YWHAQ: variants seen among roughly 807,000 people sequenced by gnomAD.
YWHAQ encodes the protein tyrosine 3-monooxygenase/tryptophan 5-monooxygenase activation protein theta.
Under a neutral mutation model 28.3 loss-of-function variants are expected in YWHAQ, and 6 were observed. That is an observed-to-expected ratio of 0.21 (90% CI 0.12 to 0.42). The LOEUF is 0.42. Among genes scored for constraint, YWHAQ ranks in the 10% least tolerant of loss-of-function variants. The probability of loss-of-function intolerance (pLI) is 1.00; values close to 1 mark genes in which losing one functional copy is unlikely to be tolerated. For synonymous variants in YWHAQ, 143 were observed against 119.1 expected (o/e 1.20, Z -1.31); for missense variants, 201 against 305.6 (o/e 0.66, Z 2.55).
intron 2 of YWHAQ, among the ~76,000 whole-genome samples, chr2:9,594,782 A>AT (rs1666532669): frequency 2.0e-5 from 3 of 152,202 alleles, no homozygotes; most frequent in African/African-American, 7.2e-5. Context: ...GGCTGAGAAA[A>AT]GTCTGACTAG....
At chr2:9,586,370 G>C (rs1436539960) in intron 5 of YWHAQ, among the ~76,000 whole-genome samples, 1 of 152,122 alleles carries the variant, frequency 6.6e-6, no homozygotes, top group Non-Finnish European at 1.5e-5. Context: ...GTTAATTTCA[G>C]AAAAGCCAGA....
At chr2:9,586,648 G>C (rs1485718188) in intron 5 of YWHAQ, among the ~76,000 whole-genome samples, 1 of 152,054 alleles carries the variant, frequency 6.6e-6, no homozygotes, top group Admixed American at 6.6e-5. Flanking sequence ...CCTTTCAGTG[G>C]ATTCATAATT....
chr2:9,628,509 G>A (rs1573009627), intron 2 of YWHAQ, among the ~76,000 whole-genome samples: 2 of 152,224 alleles, frequency 1.3e-5, no homozygotes, highest in Non-Finnish European at 2.9e-5. Context: ...AAATCACGCG[G>A]TGATTCTGAA....
chr2:9,593,235 T>C (rs1183572020), intron 2 of YWHAQ, among the ~76,000 whole-genome samples: 1 of 116,982 alleles, frequency 8.5e-6, no homozygotes, highest in Non-Finnish European at 1.6e-5. Context: ...TGCATCCATG[T>C]CTTTTTTTTT....
chr2:9,602,862 A>AAAATATATATAT (rs1666739720), intron 2 of YWHAQ, among the ~76,000 whole-genome samples: 1 of 20,872 alleles, frequency 4.8e-5, no homozygotes, highest in Non-Finnish European at 7.7e-5. Context: ...AAAAAAAAAA[A>AAAATATATATAT]ATATATATAT....
Position 9,613,605 on chromosome 2 carries a change from G to T in YWHAQ, c.294+16554C>A, listed in dbSNP as rs111345631. On this transcript the variant is annotated intron_variant, in intron 2 of 5. Coordinates refer to ENST00000238081, the MANE Select transcript of YWHAQ (RefSeq NM_006826.4). ...AAGACTCTAAATACAAAGAGAAGCA[G>T]CATTATCTCCATGACCCAAATATTT... Among the ~76,000 whole-genome samples, 1,102 of 152,250 alleles carry T rather than the reference G, an allele frequency of 7.2e-3. 10 individuals are homozygous for T. Among genetic ancestry groups the T allele is most frequent in the African/African-American group, 0.025 (1,039 of 41,518 alleles).
intron 2 of YWHAQ, among the ~76,000 whole-genome samples, chr2:9,614,122 C>T (rs1431907229): frequency 6.6e-6 from 1 of 152,138 alleles, no homozygotes; most frequent in African/African-American, 2.4e-5. Flanking sequence ...ACTGAGTGGC[C>T]ATAACCGCAA....
intron 2 of YWHAQ, among the ~76,000 whole-genome samples, chr2:9,623,748 G>A (rs1346085013): frequency 3.3e-5 from 5 of 151,650 alleles, no homozygotes; most frequent in African/African-American, 4.9e-5. Context: ...CTCTAGCCTG[G>A]GCAACAAGAG....
chr2:9,624,766 G>C (rs1232218638), intron 2 of YWHAQ, among the ~76,000 whole-genome samples: 1 of 150,076 alleles, frequency 6.7e-6, no homozygotes, highest in African/African-American at 2.5e-5. Flanking sequence ...TTTTTTTTGA[G>C]ACAAGAGTTT....
Position 9,630,587 on chromosome 2 carries a change from G to C in YWHAQ, c.-82-53C>G. On this transcript the variant is annotated intron_variant, in intron 1 of 5. Coordinates refer to ENST00000238081, the MANE Select transcript of YWHAQ (RefSeq NM_006826.4). This position sits in a 1 kb window ranked among gnomAD's most constrained non-coding sequence, Gnocchi z 5.6. The stretch of plus-strand genomic sequence containing the variant: ...GAACAAAAAGCAGAGAGGGAGCGCC[G>C]TCAGACAATGCGGCCCGCCGCCCGC... 1.2e-6 allele frequency: 1 copy of C among 842,834 alleles called. No homozygotes were observed. Among genetic ancestry groups the C allele is most frequent in the Non-Finnish European group, 1.7e-6 (1 of 573,660 alleles). 52.2% of individuals were successfully genotyped at this position (842,834 alleles called of 1,614,324 possible).
At chr2:9,619,183 G>A (rs1411825147) in intron 2 of YWHAQ, among the ~76,000 whole-genome samples, 1 of 152,132 alleles carries the variant, frequency 6.6e-6, no homozygotes, top group Non-Finnish European at 1.5e-5. Context: ...AGGCCATTTT[G>A]ATTACAAGCA....
At chr2:9,593,169 C>A (rs1437256423) in intron 2 of YWHAQ, among the ~76,000 whole-genome samples, 1 of 151,654 alleles carries the variant, frequency 6.6e-6, no homozygotes, top group Non-Finnish European at 1.5e-5. Context: ...ACAATTCTAA[C>A]CAAGAACTTT....
At chr2:9,610,014 T>C in intron 2 of YWHAQ, among the ~76,000 whole-genome samples, 1 of 152,216 alleles carries the variant, frequency 6.6e-6, no homozygotes, top group Non-Finnish European at 1.5e-5. Context: ...GTTTCCCGCA[T>C]CTCTTTCAGA....
At chr2:9,611,794 C>T (rs578198204) in intron 2 of YWHAQ, among the ~76,000 whole-genome samples, 50 of 152,314 alleles carry the variant, frequency 3.3e-4, no homozygotes, top group Middle Eastern at 3.4e-3. Flanking sequence ...CCTCAGCCAC[C>T]CGAGTAGCTG....
chr2:9,585,331 G>T lies in YWHAQ; in HGVS notation c.693C>A (p.Asp231Glu). Residue 231 changes from aspartate to glutamate, a missense_variant, in exon 6 of 6, where the codon GAC becomes GAA. Asp to Glu is a conservative substitution (Grantham distance 45). Transcript: ENST00000238081. ...CCGCATCACATTCTTCTCCTGCACT[G>T]TCTGATGTCCAAAGCTAGAAAAAGA... ...LRDNLTLWTSDSAGEECDAAE... is the reference protein window; with the variant it reads ...LRDNLTLWTSESAGEECDAAE... 1 of 1,614,104 alleles carries T rather than the reference G, an allele frequency of 6.2e-7. No individual in the cohort carries two copies. The highest frequency in any genetic ancestry group is 8.5e-7 in the Non-Finnish European group (1 of 1,179,990).
At chr2:9,627,292 T>G (rs1025083306) in intron 2 of YWHAQ, among the ~76,000 whole-genome samples, 3 of 152,224 alleles carry the variant, frequency 2.0e-5, no homozygotes, top group African/African-American at 7.2e-5. Context: ...TTCATGTTAC[T>G]TTAACTAGTC....
In YWHAQ at chr2:9,593,923, T is replaced by TATACACACAC. The variant is rs377495113; in HGVS notation, c.295-2409_295-2408insGTGTGTGTAT. 7.1e-3 allele frequency among the ~76,000 whole-genome samples: 958 copies of TATACACACAC among 135,144 alleles called. 15 individuals carry two copies. Among genetic ancestry groups the TATACACACAC allele is most frequent in the African/African-American group, 0.026 (886 of 34,376 alleles). The allele number at this position is 135,144 out of a possible 152,430, so 88.7% of individuals were successfully genotyped here. A position where few individuals can be genotyped will look rare whatever the true frequency, so the allele number is the denominator to read the frequency against. On this transcript the variant is annotated intron_variant, in intron 2 of 5. Coordinates refer to ENST00000238081, the MANE Select transcript of YWHAQ (RefSeq NM_006826.4). The stretch of plus-strand genomic sequence containing the variant: ...TAAAAAAAATATATATATATATATA[T>TATACACACAC]ACACACACACACACACACACTTTTT...
At chr2:9,623,544 C>A (rs1319579798) in intron 2 of YWHAQ, among the ~76,000 whole-genome samples, 1 of 152,112 alleles carries the variant, frequency 6.6e-6, no homozygotes, top group Non-Finnish European at 1.5e-5. Context: ...GAAGCCGAGG[C>A]GGGAGGATCA....
At chr2:9,616,443 CAAAA>C (rs748362781) in intron 2 of YWHAQ, among the ~76,000 whole-genome samples, 4 of 89,608 alleles carry the variant, frequency 4.5e-5, no homozygotes, top group Admixed American at 1.2e-4. Flanking sequence ...CATAAGCAAC[CAAAA>C]AAAAAAAAAA....
Sources: allele counts gnomAD v4.1 joint callset (sites outside exome capture counted in the v4.1 genomes callset), GRCh38; gene constraint gnomAD v4.1.1; non-coding constraint Gnocchi (gnomAD v3.1); transcripts MANE v1.5; gene names NCBI Gene and HGNC (gene_info 2026-07-23, HGNC 2026-07-21).